CSMD1: variants seen among roughly 807,000 people sequenced by gnomAD.
CSMD1 encodes CUB and sushi domain-containing protein 1.
Under a neutral mutation model 417.5 loss-of-function variants are expected in CSMD1, and 213 were observed. The ratio of observed to expected loss-of-function variants is 0.51; its 90% CI spans 0.46 to 0.57. CSMD1 has a LOEUF of 0.57. Among genes scored for constraint, CSMD1 ranks in the 20% least tolerant of loss-of-function variants. The pLI, the probability that CSMD1 is intolerant of heterozygous loss-of-function variation, is 0.00. For synonymous variants in CSMD1, 2,862 were observed against 1,736.8 expected (o/e 1.65, Z -16.11); for missense variants, 6,923 against 4,529.7 (o/e 1.53, Z -15.17).
rs546013539 is a variant in CSMD1, at chr8:3,260,478, A to G, written c.4153+23666T>C. Among the ~76,000 whole-genome samples, 6 of 152,256 alleles carry G rather than the reference A, an allele frequency of 3.9e-5. No individual in the cohort carries two copies. In the South Asian group the frequency reaches 1.2e-3, roughly 32 times the overall value. On this transcript the variant is annotated intron_variant, in intron 26 of 69. Transcript: ENST00000635120. ...CAGACTCCAGAGGAAAGACAGTGGC[A>G]TGGATACAAGAACGTTCCACCTAAT...
At chr8:4,175,572 A>G (rs1797995194) in intron 3 of CSMD1, among the ~76,000 whole-genome samples, 1 of 152,154 alleles carries the variant, frequency 6.6e-6, no homozygotes, top group Non-Finnish European at 1.5e-5. Context: ...GATTTTTTGA[A>G]AGGTATATTA....
At chr8:4,937,362 T>C (rs1164770993) in intron 1 of CSMD1, among the ~76,000 whole-genome samples, 6 of 152,242 alleles carry the variant, frequency 3.9e-5, no homozygotes, top group Admixed American at 2.0e-4. Flanking sequence ...GCACACCTGC[T>C]GGGACTTGAT....
At chr8:4,776,771 T>G (rs1315836092) in intron 1 of CSMD1, among the ~76,000 whole-genome samples, 2 of 152,188 alleles carry the variant, frequency 1.3e-5, no homozygotes, top group Non-Finnish European at 2.9e-5. Context: ...GAAAAAGTTG[T>G]GAAAATACAA....
chr8:4,623,891 ATAG>A (rs1801933456), intron 2 of CSMD1, among the ~76,000 whole-genome samples: 1 of 152,130 alleles, frequency 6.6e-6, no homozygotes, highest in African/African-American at 2.4e-5. Context: ...TTTGTGGGTG[ATAG>A]AAATATTCGT....
intron 12 of CSMD1, among the ~76,000 whole-genome samples, chr8:3,422,664 AT>A (rs1471366488): frequency 6.6e-6 from 1 of 152,178 alleles, no homozygotes; most frequent in Non-Finnish European, 1.5e-5. Context: ...TCTATTTTCG[AT>A]GCATTTTTCT....
At chr8:3,310,523 C>G (rs62504437) in intron 23 of CSMD1, among the ~76,000 whole-genome samples, 1 of 152,214 alleles carries the variant, frequency 6.6e-6, no homozygotes, top group South Asian at 2.1e-4. Flanking sequence ...CAAAATCTTG[C>G]GCTATCTTGA....
At position 4,842,835 on chromosome 8, in the gene CSMD1, G is replaced by A. The variant is rs181249564; in HGVS notation, c.85+151497C>T. On this transcript the variant is annotated intron_variant, in intron 1 of 69. Transcript: ENST00000635120. The stretch of plus-strand genomic sequence containing the variant: ...CAGTGAGTCACTTTCTCAAAGTAGC[G>A]TAGCTGTTAAATCTTTTTTCAACGC... 7.9e-5 allele frequency among the ~76,000 whole-genome samples: 12 copies of A among 152,272 alleles called. No individual in the cohort carries two copies. In the South Asian group the frequency reaches 1.4e-3, roughly 18 times the overall value.
intron 1 of CSMD1, chr8:4,787,570 C>T: frequency 4.0e-6 from 6 of 1,486,204 alleles, no homozygotes; most frequent in Non-Finnish European, 4.7e-6. Flanking sequence ...AGACAGCTTT[C>T]ATTGCACCCC....
At chr8:3,155,754 C>G (rs371728425) in intron 39 of CSMD1, among the ~76,000 whole-genome samples, 234 of 152,202 alleles carry the variant, frequency 1.5e-3, no homozygotes, top group African/African-American at 5.5e-3. Context: ...CAAGACATAG[C>G]TTTTAAAAAT....
At chr8:3,430,404 T>G (rs1316125238) in intron 12 of CSMD1, among the ~76,000 whole-genome samples, 1 of 152,168 alleles carries the variant, frequency 6.6e-6, no homozygotes, top group Non-Finnish European at 1.5e-5. Flanking sequence ...CTTCTGTTTA[T>G]TTTTTTAATG....
intron 12 of CSMD1, among the ~76,000 whole-genome samples, chr8:3,443,631 G>C (rs1815129097): frequency 6.6e-6 from 1 of 152,144 alleles, no homozygotes; most frequent in Non-Finnish European, 1.5e-5. Context: ...TTGCAGAGTT[G>C]ACTGTGGAAT....
intron 3 of CSMD1, among the ~76,000 whole-genome samples, chr8:4,334,649 T>C (rs1184351469): frequency 6.6e-6 from 1 of 152,166 alleles, no homozygotes; most frequent in East Asian, 1.9e-4. Context: ...CTTTATACCT[T>C]CTATGGTTAG....
rs376126742 is a variant in CSMD1, at chr8:4,641,443, T to C, written c.86-3885A>G. On this transcript the variant is annotated intron_variant, in intron 1 of 69. Transcript: ENST00000635120. ...TACACAGAGTTAACTTCAGTCATTT[T>C]TAAATTCTGTCTTATACTGTTGGAC... Among the ~76,000 whole-genome samples the C allele has an allele frequency of 8.1e-4, 123 of 152,288 alleles. 1 individual carries two copies. The South Asian group carries it at 0.011, about 14-fold the overall frequency.
chr8:2,962,374 T>C, intron 61 of CSMD1, 92 bp downstream of exon 61: 17 of 1,158,580 alleles, frequency 1.5e-5, no homozygotes, highest in Non-Finnish European at 2.1e-5. Flanking sequence ...GGAAACACTT[T>C]CTATGTAATC....
chr8:3,588,320 A>G (rs1800692816), intron 8 of CSMD1, among the ~76,000 whole-genome samples: 1 of 38,880 alleles, frequency 2.6e-5, no homozygotes, highest in East Asian at 3.2e-4. Context: ...CCAAACATAA[A>G]GAAAACAAAA....
chr8:3,693,994 T>C (rs1027763752), intron 7 of CSMD1, among the ~76,000 whole-genome samples: 2 of 151,844 alleles, frequency 1.3e-5, no homozygotes, highest in South Asian at 2.1e-4. Flanking sequence ...TGTTAGTGTG[T>C]GTGTGTTGTG....
chr8:4,868,730 C>T (rs1389676719), intron 1 of CSMD1, among the ~76,000 whole-genome samples: 1 of 151,658 alleles, frequency 6.6e-6, no homozygotes, highest in Non-Finnish European at 1.5e-5. Flanking sequence ...CCAGTTAGAA[C>T]TAGATTTGAC....
At chr8:3,972,345 A>T (rs934333269) in intron 5 of CSMD1, among the ~76,000 whole-genome samples, 9 of 152,218 alleles carry the variant, frequency 5.9e-5, no homozygotes, top group African/African-American at 2.2e-4. Context: ...TTTTTCTCAA[A>T]ATATCATTTA....
intron 12 of CSMD1, among the ~76,000 whole-genome samples, chr8:3,463,115 G>A (rs7005502): frequency 4.6e-5 from 7 of 151,990 alleles, no homozygotes; most frequent in African/African-American, 9.7e-5. Context: ...TTCCATTGTC[G>A]CCAAGCCAAC....
Sources: allele counts gnomAD v4.1 joint callset (sites outside exome capture counted in the v4.1 genomes callset), GRCh38; gene constraint gnomAD v4.1.1; transcripts MANE v1.5; gene names NCBI Gene and HGNC (gene_info 2026-07-23, HGNC 2026-07-21).